Variants in TPBG observed in about 807,000 individuals in gnomAD.
TPBG encodes the protein trophoblast glycoprotein, also known as 5T4 oncofetal antigen.
A neutral mutation model predicts 19.3 loss-of-function variants in TPBG; 13 were observed. That is an observed-to-expected ratio of 0.67 (90% CI 0.44 to 1.07). TPBG has a LOEUF of 1.07. TPBG is among the 50% of genes least tolerant of loss of function. The probability of loss-of-function intolerance (pLI) is 0.00; values close to 1 mark genes in which losing one functional copy is unlikely to be tolerated. For missense variants in TPBG, 642 were observed against 559.6 expected (o/e 1.15, Z -1.49); for synonymous variants, 338 against 259.8 (o/e 1.30, Z -2.89).
At chr6:82,364,444 T>A (rs1363190614) in intron 1 of TPBG, 179 bp from the exon 2 acceptor site, 1 of 153,468 alleles carries the variant, frequency 6.5e-6, no homozygotes, top group African/African-American at 2.4e-5. Flanking sequence ...GGGTGTCGGA[T>A]GCGCGTCCCC....
In TPBG at chr6:82,367,085, A is replaced by T. The variant is rs1442131259; in HGVS notation, c.*861A>T. 2 of 167,042 alleles carry T rather than the reference A, an allele frequency of 1.2e-5. No individual in the cohort carries two copies. The highest frequency in any genetic ancestry group is 2.9e-5 in the Non-Finnish European group (2 of 68,106). 10.3% of individuals were successfully genotyped at this position (167,042 alleles called of 1,614,324 possible). On this transcript the variant is annotated 3_prime_UTR_variant, in exon 2 of 2. Transcript: ENST00000369750. Reference sequence around the variant, plus strand: ...TTGGGAGATCGTTTTGAAATGGTGGATCCTTTTAGTATTTAAATGGAGAGT... The same window carrying T: ...TTGGGAGATCGTTTTGAAATGGTGGTTCCTTTTAGTATTTAAATGGAGAGT...
rs561305359 is a variant in TPBG, at chr6:82,365,046, G to T, written c.85G>T (p.Val29Phe). 2 of 1,549,122 alleles carry T rather than the reference G, an allele frequency of 1.3e-6. No individual in the cohort carries two copies. Among genetic ancestry groups the T allele is most frequent in the African/African-American group, 2.8e-5 (2 of 72,460 alleles). ...ACTAGCGCTGGTACTCCTGGGCTGGGTCTCCTCGTCTTCTCCCACCTCCTC... is the reference window on the plus strand; with the variant it reads ...ACTAGCGCTGGTACTCCTGGGCTGGTTCTCCTCGTCTTCTCCCACCTCCTC... ...ARLALVLLGW[V>F]SSSSPTSSAS... The change falls in exon 2 of 2, where the codon GTC (valine) becomes TTC (phenylalanine). Residue 29 changes from valine (V) to phenylalanine (F), a missense_variant. Val to Phe is a conservative substitution (Grantham distance 50, BLOSUM62 -1). Transcript: ENST00000369750.
intron 1 of TPBG, chr6:82,364,214 T>G (rs770912): frequency 0.7 from 106,281 of 152,408 alleles, 37,250 homozygotes; most frequent in African/African-American, 0.74. Context: ...AACCGGGACC[T>G]GGTGGAGAGG....
In TPBG at chr6:82,366,464, G is replaced by A. The variant is rs894560753; in HGVS notation, c.*240G>A. 4 of 399,878 alleles carry A rather than the reference G, an allele frequency of 1.0e-5. No homozygotes were observed. The East Asian group carries it at 1.7e-4, about 17-fold the overall frequency. The allele number at this position is 399,878 out of a possible 1,614,324, so 24.8% of individuals were successfully genotyped here. ...TCTTTTTCTTGGAACTCCTCAACAC[G>A]TATGGAGGGATTTTTCAGGTTTCAG... is the stretch of plus-strand genomic sequence containing the variant. On this transcript the variant is annotated 3_prime_UTR_variant, in exon 2 of 2. Transcript: ENST00000369750.
In TPBG at chr6:82,367,346, T is replaced by C. The variant is rs1012184740; in HGVS notation, c.*1122T>C. 6.0e-6 allele frequency: 1 copy of C among 165,992 alleles called. No individual in the cohort carries two copies. Among genetic ancestry groups the C allele is most frequent in the African/African-American group, 2.4e-5 (1 of 41,394 alleles). The allele number at this position is 165,992 out of a possible 1,614,324, so 10.3% of individuals were successfully genotyped here. On this transcript the variant is annotated 3_prime_UTR_variant, in exon 2 of 2. Coordinates refer to ENST00000369750, the MANE Select transcript of TPBG (RefSeq NM_001376922.1). ...AGAGCAGAATTTGAAACAAATGTAA[T>C]GCAAATAAATATAAAGATAAAGTGT...
In TPBG at chr6:82,366,319, A is replaced by G. The variant is rs1767502903; in HGVS notation, c.*95A>G. ...TTGCTCCACTTTCATCCTCCACTAT[A>G]GATACAACGGACTTTGACTAAAAGC... On this transcript the variant is annotated 3_prime_UTR_variant, in exon 2 of 2. Coordinates refer to ENST00000369750, the MANE Select transcript of TPBG (RefSeq NM_001376922.1). 1.4e-6 allele frequency: 2 copies of G among 1,393,180 alleles called. No homozygotes were observed. Among genetic ancestry groups the G allele is most frequent in the South Asian group, 3.1e-5 (2 of 63,550 alleles). 86.3% of individuals were successfully genotyped at this position (1,393,180 alleles called of 1,614,324 possible). A position where few individuals can be genotyped will look rare whatever the true frequency, so the allele number is the denominator to read the frequency against.
chr6:82,365,066 C>G lies in TPBG; in HGVS notation c.105C>G (p.Thr35=). The G allele has an allele frequency of 6.4e-7, 1 of 1,555,346 alleles. No individual in the cohort carries two copies. Among genetic ancestry groups the G allele is most frequent in the Non-Finnish European group, 8.7e-7 (1 of 1,149,592 alleles). The change falls in exon 2 of 2, where the codon ACC becomes ACG. Residue 35 remains threonine (T), a synonymous_variant. Transcript: ENST00000369750. ...LLGWVSSSSP[T]SSASSFSSSA... is the part of the protein sequence containing the mutation. ...GCTGGGTCTCCTCGTCTTCTCCCAC[C>G]TCCTCGGCATCCTCCTTCTCCTCCT... is the stretch of plus-strand genomic sequence containing the variant.
In TPBG at chr6:82,366,632, T is replaced by A. The variant is rs1767511708; in HGVS notation, c.*408T>A. On this transcript the variant is annotated 3_prime_UTR_variant, in exon 2 of 2. Transcript: ENST00000369750. ...TTATTCATAAATATCAGTTTTATTC[T>A]CATGTACCTAAGTTGTGGAGAAAAT... 5.8e-6 allele frequency: 1 copy of A among 172,892 alleles called. No homozygotes were observed. Among genetic ancestry groups the A allele is most frequent in the Non-Finnish European group, 1.4e-5 (1 of 71,916 alleles). 10.7% of individuals were successfully genotyped at this position (172,892 alleles called of 1,614,324 possible). A position where few individuals can be genotyped will look rare whatever the true frequency, so the allele number is the denominator to read the frequency against.
chr6:82,366,252 A>T lies in TPBG; in HGVS notation c.*28A>T, dbSNP rs765157853. 1 of 1,545,586 alleles carries T rather than the reference A, an allele frequency of 6.5e-7. No homozygotes were observed. Among genetic ancestry groups the T allele is most frequent in the Non-Finnish European group, 8.7e-7 (1 of 1,147,518 alleles). ...AATATTAGAGGACAGACCAAGGACAACTCTGCATGAGATGTAGACTTAAGC... is the reference window on the plus strand; with the variant it reads ...AATATTAGAGGACAGACCAAGGACATCTCTGCATGAGATGTAGACTTAAGC... On this transcript the variant is annotated 3_prime_UTR_variant, in exon 2 of 2. Transcript: ENST00000369750.
chr6:82,367,329 A>C lies in TPBG; in HGVS notation c.*1105A>C, dbSNP rs1471322692. ...TTGTTCTGTGGATTTTTAGAGCAGA[A>C]TTTGAAACAAATGTAATGCAAATAA... On this transcript the variant is annotated 3_prime_UTR_variant, in exon 2 of 2. Coordinates refer to ENST00000369750, the MANE Select transcript of TPBG (RefSeq NM_001376922.1). 6.0e-6 allele frequency: 1 copy of C among 166,908 alleles called. No individual in the cohort carries two copies. Among genetic ancestry groups the C allele is most frequent in the East Asian group, 1.9e-4 (1 of 5,204 alleles). 10.3% of individuals were successfully genotyped at this position (166,908 alleles called of 1,614,324 possible). A position where few individuals can be genotyped will look rare whatever the true frequency, so the allele number is the denominator to read the frequency against.
rs144737771 is a variant in TPBG at position 82,365,481 on chromosome 6, C to T, written c.520C>T (p.Pro174Ser). The T allele has an allele frequency of 9.3e-6, 15 of 1,606,646 alleles. No individual in the cohort carries two copies. The highest frequency in any genetic ancestry group is 8.9e-5 in the East Asian group (4 of 44,854). ...CAATGCCAGCGTCTCGGCCCCCAGT[C>T]CCCTTGTGGAACTGATCCTGAACCA... ...GSNASVSAPS[P>S]LVELILNHIV... Residue 174 changes from proline (P) to serine (S), a missense_variant, in exon 2 of 2, where the codon CCC becomes TCC. Transcript: ENST00000369750.
chr6:82,365,710 C>A lies in TPBG; in HGVS notation c.749C>A (p.Thr250Asn). 1 of 1,610,236 alleles carries A rather than the reference C, an allele frequency of 6.2e-7. No individual in the cohort carries two copies. Among genetic ancestry groups the A allele is most frequent in the South Asian group, 1.1e-5 (1 of 90,336 alleles). The part of the protein sequence containing the change: ...DLSNNSLVSL[T>N]YVSFRNLTHL... ...AGTAATAATTCGCTGGTGAGCCTGA[C>A]CTACGTGTCCTTCCGCAACCTGACA... The change falls in exon 2 of 2, where the codon ACC becomes AAC. Residue 250 changes from threonine to asparagine, a missense_variant. Transcript: ENST00000369750.
Position 82,366,103 on chromosome 6 carries a change from T to TA in TPBG, c.1148dup (p.Trp384ValfsTer4). ...GTTTTGTATTTGAACCGCAAGGGGATAAAAAAGTGGATGCATAACATCAGA... is the reference window on the plus strand; with the variant it reads ...GTTTTGTATTTGAACCGCAAGGGGATAAAAAAAGTGGATGCATAACATCAGA... On this transcript the variant is annotated frameshift_variant, in exon 2 of 2. Transcript: ENST00000369750. LOFTEE classifies it high-confidence loss of function. 6.2e-7 allele frequency: 1 copy of TA among 1,614,088 alleles called. No homozygotes were observed. The highest frequency in any genetic ancestry group is 2.2e-5 in the East Asian group (1 of 44,864).
Position 82,364,893 on chromosome 6 carries a change from C to G in TPBG, c.-69C>G, listed in dbSNP as rs1263719283. 5 of 1,293,820 alleles carry G rather than the reference C, an allele frequency of 3.9e-6. No individual in the cohort carries two copies. The highest frequency in any genetic ancestry group is 4.0e-5 in the South Asian group (2 of 49,992). The allele number at this position is 1,293,820 out of a possible 1,614,324, so 80.1% of individuals were successfully genotyped here. On this transcript the variant is annotated 5_prime_UTR_variant, in exon 2 of 2. Coordinates refer to ENST00000369750, the MANE Select transcript of TPBG (RefSeq NM_001376922.1). ...GACGCTTCCGCCGGCTCGCGCCCTC[C>G]GGGCCCAGCCTCCCGAGCCTTCGGA...
rs753377946 is a variant in TPBG, at chr6:82,365,068, C to G, written c.107C>G (p.Ser36Cys). ...TGGGTCTCCTCGTCTTCTCCCACCT[C>G]CTCGGCATCCTCCTTCTCCTCCTCG... ...LGWVSSSSPT[S>C]SASSFSSSAP... The change falls in exon 2 of 2, where the codon TCC (serine) becomes TGC (cysteine). Residue 36 changes from serine (S) to cysteine (C), a missense_variant. Coordinates refer to ENST00000369750, the MANE Select transcript of TPBG (RefSeq NM_001376922.1). 1.1e-5 allele frequency: 17 copies of G among 1,555,814 alleles called. No individual in the cohort carries two copies. The highest frequency in any genetic ancestry group is 1.9e-5 in the Admixed American group (1 of 51,362).
Position 82,365,921 on chromosome 6 carries a change from G to T in TPBG, c.960G>T (p.Arg320=), listed in dbSNP as rs374394173. ...CAGAGGTAGTGCAGGGCAAAGACCG[G>T]CTCACCTGTGCATATCCGGAAAAAA... ...KETEVVQGKD[R]LTCAYPEKMR... The change falls in exon 2 of 2, where the codon CGG becomes CGT. Residue 320 remains arginine (R), a synonymous_variant. Transcript: ENST00000369750. The T allele has an allele frequency of 1.2e-6, 2 of 1,614,064 alleles. No homozygotes were observed. Among genetic ancestry groups the T allele is most frequent in the Non-Finnish European group, 1.7e-6 (2 of 1,180,050 alleles).
chr6:82,365,184 G>A lies in TPBG; in HGVS notation c.223G>A (p.Val75Ile), dbSNP rs1215679199. 7.5e-6 allele frequency: 12 copies of A among 1,600,510 alleles called. No individual in the cohort carries two copies. Among genetic ancestry groups the A allele is most frequent in the Non-Finnish European group, 9.4e-6 (11 of 1,175,182 alleles). Residue 75 changes from valine (V) to isoleucine (I), a missense_variant, in exon 2 of 2, where the codon GTC (valine) becomes ATC (isoleucine). By Grantham distance (29) the Val-to-Ile change is conservative. Transcript: ENST00000369750. ...CGAGTGCTCCGAGGCAGCGCGCACA[G>A]TCAAGTGCGTTAACCGCAATCTGAC... ...LCECSEAART[V>I]KCVNRNLTEV...
chr6:82,365,452 G>T lies in TPBG; in HGVS notation c.491G>T (p.Gly164Val). 6.2e-7 allele frequency: 1 copy of T among 1,610,990 alleles called. No homozygotes were observed. Among genetic ancestry groups the T allele is most frequent in the Non-Finnish European group, 8.5e-7 (1 of 1,178,890 alleles). Residue 164 changes from glycine (G) to valine (V), a missense_variant, in exon 2 of 2, where the codon GGC becomes GTC. By Grantham distance (109) the Gly-to-Val change is moderately radical (BLOSUM62 -3). Coordinates refer to ENST00000369750, the MANE Select transcript of TPBG (RefSeq NM_001376922.1). The part of the protein sequence containing the change: ...LADLSPFAFS[G>V]SNASVSAPSP... ...GACCTCAGTCCCTTCGCTTTCTCGG[G>T]CAGCAATGCCAGCGTCTCGGCCCCC... is the stretch of plus-strand genomic sequence containing the variant.
At chr6:82,364,065 G>A (rs1024822564) in intron 1 of TPBG, among the ~76,000 whole-genome samples, 157 bp downstream of exon 1, 6 of 152,116 alleles carry the variant, frequency 3.9e-5, no homozygotes, top group Non-Finnish European at 8.8e-5. Context: ...CTTTGGAGAT[G>A]ACTTGAACCC....
Sources: gnomAD v4.1 joint callset for allele counts (sites outside exome capture counted in the v4.1 genomes callset) on GRCh38, gnomAD v4.1.1 for gene constraint, MANE v1.5 for transcripts, NCBI Gene and HGNC (gene_info 2026-07-23, HGNC 2026-07-21) for gene names.